PDZRN4: variants seen among roughly 807,000 people sequenced by gnomAD.
PDZRN4 encodes PDZ domain containing ring finger 4, also known as PDZ domain-containing RING finger protein 4.
PDZRN4 carries 70 observed loss-of-function variants against 99.0 expected under a neutral mutation model. The ratio of observed to expected loss-of-function variants is 0.71; its 90% CI spans 0.58 to 0.86. The LOEUF (loss-of-function observed/expected upper bound fraction) is 0.86. Ranked by LOEUF, PDZRN4 falls within the 40% of genes least tolerant of loss-of-function variation. The pLI, the probability that PDZRN4 is intolerant of heterozygous loss-of-function variation, is 0.00. For missense variants in PDZRN4, 1,474 were observed against 1,331.2 expected, an observed-to-expected ratio of 1.11 and a Z score of -1.67; for synonymous variants, 551 against 501.6, an observed-to-expected ratio of 1.10 and a Z score of -1.32.
chr12:41,225,409 G>A (rs1950986464), intron 3 of PDZRN4, among the ~76,000 whole-genome samples: 1 of 147,938 alleles, frequency 6.8e-6, no homozygotes, highest in Non-Finnish European at 1.5e-5. Context: ...ATATTGGGAA[G>A]TATAATTCAC....
intron 3 of PDZRN4, among the ~76,000 whole-genome samples, chr12:41,403,827 AT>A (rs2120357925): frequency 6.6e-6 from 1 of 152,298 alleles, no homozygotes; most frequent in East Asian, 1.9e-4. Flanking sequence ...ATGAAATGCA[AT>A]TCTAAAAATC....
At chr12:41,548,773 C>A (rs1939002799) in intron 5 of PDZRN4, among the ~76,000 whole-genome samples, 1 of 152,062 alleles carries the variant, frequency 6.6e-6, no homozygotes, top group Non-Finnish European at 1.5e-5. Flanking sequence ...TTTCTCATTT[C>A]TCCCTAGACT....
chr12:41,527,574 C>T (rs1376148641), intron 5 of PDZRN4, among the ~76,000 whole-genome samples: 1 of 152,106 alleles, frequency 6.6e-6, no homozygotes, highest in Non-Finnish European at 1.5e-5. Context: ...TAAATAAGGG[C>T]TTTTTAAAAT....
chr12:41,318,519 C>T (rs1951653678), intron 3 of PDZRN4, among the ~76,000 whole-genome samples: 1 of 152,220 alleles, frequency 6.6e-6, no homozygotes, highest in Admixed American at 6.5e-5. Context: ...TGAGCTTCTG[C>T]ATATGCCAGG....
intron 3 of PDZRN4, among the ~76,000 whole-genome samples, chr12:41,405,423 T>C (rs1188395941): frequency 1.3e-5 from 2 of 151,966 alleles, no homozygotes; most frequent in Non-Finnish European, 2.9e-5. Flanking sequence ...GTCAGAATGG[T>C]TATTATTAAA....
At chr12:41,353,123 C>T (rs368672842) in intron 3 of PDZRN4, among the ~76,000 whole-genome samples, 1 of 151,940 alleles carries the variant, frequency 6.6e-6, no homozygotes, top group East Asian at 1.9e-4. Flanking sequence ...TGGTGATATA[C>T]CAGATATTTT....
intron 3 of PDZRN4, among the ~76,000 whole-genome samples, chr12:41,503,944 T>C (rs80150626): frequency 6.6e-6 from 1 of 152,142 alleles, no homozygotes; most frequent in Non-Finnish European, 1.5e-5. Context: ...TAAGAAAAGA[T>C]AACATGTTGA....
chr12:41,216,629 T>G (rs1289006625), intron 3 of PDZRN4, among the ~76,000 whole-genome samples: 2 of 152,062 alleles, frequency 1.3e-5, no homozygotes, highest in South Asian at 2.1e-4. Flanking sequence ...ACTTACATCC[T>G]TTTTTGAATT....
intron 3 of PDZRN4, among the ~76,000 whole-genome samples, chr12:41,237,821 G>T (rs1411477130): frequency 6.6e-6 from 1 of 152,028 alleles, no homozygotes; most frequent in African/African-American, 2.4e-5. Context: ...TGTTCCATTT[G>T]TCTATGTGTC....
At chr12:41,391,790 G>A (rs1952212742) in intron 3 of PDZRN4, among the ~76,000 whole-genome samples, 1 of 152,062 alleles carries the variant, frequency 6.6e-6, no homozygotes. Context: ...CCTTCTCTCT[G>A]GTGTGAGAAA....
chr12:41,487,488 AAATAG>A (rs1445741189), intron 3 of PDZRN4, among the ~76,000 whole-genome samples: 23 of 152,278 alleles, frequency 1.5e-4, no homozygotes, highest in African/African-American at 4.6e-4. Context: ...AACCAGCTCT[AAATAG>A]AATAGAAGTT....
In PDZRN4 at chr12:41,572,885, G is replaced by A. The variant is rs375373705; in HGVS notation, c.2106G>A (p.Leu702=). The A allele has an allele frequency of 1.2e-6, 2 of 1,614,040 alleles. No individual in the cohort carries two copies. Among genetic ancestry groups the A allele is most frequent in the African/African-American group, 2.7e-5 (2 of 74,928 alleles). The change falls in exon 10 of 10, where the codon TTG becomes TTA. Residue 702 remains leucine (L), a synonymous_variant. Transcript: ENST00000402685. ...VTDQYGDIWT[L]HDGGFRNYNT... is the part of the protein sequence containing the mutation. ...ACCAGTATGGAGACATCTGGACATT[G>A]CATGATGGAGGATTCCGGAATTATA...
At chr12:41,543,173 C>T in intron 5 of PDZRN4, among the ~76,000 whole-genome samples, 1 of 152,172 alleles carries the variant, frequency 6.6e-6, no homozygotes, top group Non-Finnish European at 1.5e-5. Context: ...CTCATCTTGC[C>T]TCTTGATTCA....
intron 3 of PDZRN4, among the ~76,000 whole-genome samples, chr12:41,386,669 C>A (rs1952172509): frequency 6.6e-6 from 1 of 152,088 alleles, no homozygotes; most frequent in South Asian, 2.1e-4. Flanking sequence ...TAACCAAGGG[C>A]AATCCTAAGC....
At chr12:41,192,424 C>A (rs1294765692) in intron 2 of PDZRN4, among the ~76,000 whole-genome samples, 1 of 152,132 alleles carries the variant, frequency 6.6e-6, no homozygotes, top group Non-Finnish European at 1.5e-5. Context: ...AAACAAAAAA[C>A]AACAGCTAGC....
chr12:41,435,997 C>G (rs1952625739), intron 3 of PDZRN4, among the ~76,000 whole-genome samples: 1 of 152,146 alleles, frequency 6.6e-6, no homozygotes, highest in Non-Finnish European at 1.5e-5. Context: ...TTATGTTTTA[C>G]AGTTGCACCT....
intron 5 of PDZRN4, among the ~76,000 whole-genome samples, chr12:41,521,780 C>T (rs978370604): frequency 1.3e-5 from 2 of 152,130 alleles, no homozygotes; most frequent in East Asian, 1.9e-4. Flanking sequence ...TCAGTTTCCC[C>T]TTTGGCATGT....
chr12:41,229,848 C>T (rs1205543781), intron 3 of PDZRN4, among the ~76,000 whole-genome samples: 2 of 152,058 alleles, frequency 1.3e-5, no homozygotes, highest in Non-Finnish European at 2.9e-5. Context: ...AAGAGACTCT[C>T]TTTTGCCAGG....
chr12:41,276,351 T>G (rs1381088050), intron 3 of PDZRN4, among the ~76,000 whole-genome samples: 1 of 152,102 alleles, frequency 6.6e-6, no homozygotes, highest in African/African-American at 2.4e-5. Context: ...CTCTGGTGTT[T>G]TAAGAACCCT....
Sources: gnomAD v4.1 joint callset for allele counts (sites outside exome capture counted in the v4.1 genomes callset) on GRCh38, gnomAD v4.1.1 for gene constraint, MANE v1.5 for transcripts, NCBI Gene and HGNC (gene_info 2026-07-23, HGNC 2026-07-21) for gene names.